The following SYT2 variants were observed in gnomAD, a reference collection of about 807,000 sequenced individuals.
The protein encoded by SYT2 is synaptotagmin-2.
In SYT2, 15 loss-of-function variants were observed where a neutral mutation model predicts 39.9. That is an observed-to-expected ratio of 0.38 (90% confidence interval 0.25 to 0.58). SYT2 has a LOEUF of 0.58. Ranked by LOEUF, SYT2 falls within the 20% of genes least tolerant of loss-of-function variation. The pLI, the probability that SYT2 is intolerant of heterozygous loss-of-function variation, is 0.70. For synonymous variants in SYT2, 181 were observed against 204.5 expected (o/e 0.89, Z 0.98); for missense variants, 389 against 530.3 (o/e 0.73, Z 2.62).
In SYT2 at chr1:202,604,626, C is replaced by A; in HGVS notation, c.179-5G>T. 1 of 1,613,306 alleles carries A rather than the reference C, an allele frequency of 6.2e-7. No homozygotes were observed. The highest frequency in any genetic ancestry group is 8.5e-7 in the Non-Finnish European group (1 of 1,179,560). On this transcript the variant is annotated splice_region_variant and splice_polypyrimidine_tract_variant and intron_variant, in intron 2 of 8. Coordinates refer to ENST00000367268, the MANE Select transcript of SYT2 (RefSeq NM_177402.5). ...CGATCAGTGCCCAGGGTGGTACTGC[C>A]CACACAGAGAAGATCCCAGGGTCAG...
At chr1:202,708,355 GCTATAAC>G (rs1427591427) in intron 1 of SYT2, among the ~76,000 whole-genome samples, 1 of 152,024 alleles carries the variant, frequency 6.6e-6, no homozygotes, top group African/African-American at 2.4e-5. Context: ...TCTATGTGAG[GCTATAAC>G]CTAGAAACTT....
chr1:202,606,774 G>A (rs557594630), intron 1 of SYT2, among the ~76,000 whole-genome samples: 1 of 152,154 alleles, frequency 6.6e-6, no homozygotes, highest in East Asian at 1.9e-4. Context: ...AAAATTTGGG[G>A]AGAGAGAGAG....
intron 1 of SYT2, among the ~76,000 whole-genome samples, chr1:202,624,971 T>TGTGTGGTGTGTGTA (rs1429116327): frequency 9.0e-6 from 1 of 111,670 alleles, no homozygotes; most frequent in Non-Finnish European, 1.8e-5. Context: ...GTGTGTGGCA[T>TGTGTGGTGTGTGTA]GTGTGGTGTG....
In SYT2 at chr1:202,648,633, G is replaced by A. The variant is rs185472341; in HGVS notation, c.-17-42844C>T. ...GAGATGCATACCTCAAACCCAAGGC[G>A]TCTGCTGGCATCCATCTTCTGGAGT... is the stretch of plus-strand genomic sequence containing the variant. On this transcript the variant is annotated intron_variant, in intron 1 of 8. Transcript: ENST00000367268. 1.6e-3 allele frequency among the ~76,000 whole-genome samples: 245 copies of A among 152,282 alleles called. 4 individuals are homozygous for A. Among genetic ancestry groups the A allele is most frequent in the Non-Finnish European group, 2.2e-4 (15 of 68,024 alleles).
chr1:202,597,064 A>T, intron 8 of SYT2, 101 bp from the exon 9 acceptor site: 1 of 1,021,810 alleles, frequency 9.8e-7, no homozygotes, highest in Admixed American at 2.2e-5. Flanking sequence ...TGGGAAGGTA[A>T]GGCCTCCTGG....
At chr1:202,631,495 C>T (rs1691591730) in intron 1 of SYT2, among the ~76,000 whole-genome samples, 1 of 152,140 alleles carries the variant, frequency 6.6e-6, no homozygotes, top group African/African-American at 2.4e-5. Flanking sequence ...GGCCCCTCCC[C>T]CAAGCAAAGT....
chr1:202,621,644 T>C (rs1474830447), intron 1 of SYT2, among the ~76,000 whole-genome samples: 2 of 152,184 alleles, frequency 1.3e-5, no homozygotes, highest in Non-Finnish European at 2.9e-5. Flanking sequence ...TGGGTTTGTG[T>C]AGCTCACCCA....
chr1:202,642,908 G>A (rs1255512055), intron 1 of SYT2, among the ~76,000 whole-genome samples: 1 of 152,230 alleles, frequency 6.6e-6, no homozygotes, highest in East Asian at 1.9e-4. Flanking sequence ...GCAGGTCCCT[G>A]GTCCCAGCGC....
At chr1:202,615,826 A>G (rs1056447615) in intron 1 of SYT2, among the ~76,000 whole-genome samples, 2 of 152,086 alleles carry the variant, frequency 1.3e-5, no homozygotes, top group South Asian at 2.1e-4. Flanking sequence ...TCCCTGGGCC[A>G]CCATCAGCCC....
At chr1:202,656,497 A>C (rs1692278897) in intron 1 of SYT2, among the ~76,000 whole-genome samples, 1 of 152,190 alleles carries the variant, frequency 6.6e-6, no homozygotes, top group Non-Finnish European at 1.5e-5. Flanking sequence ...ACCTGGGTTC[A>C]AGTCCCAACT....
intron 4 of SYT2, 65 bp downstream of exon 4, chr1:202,602,934 C>G (rs1422415994): frequency 1.3e-5 from 20 of 1,580,844 alleles, no homozygotes; most frequent in South Asian, 3.4e-5. Flanking sequence ...GTTTCTATCC[C>G]CCTTCCACCC....
chr1:202,629,122 T>C (rs1691498331), intron 1 of SYT2, among the ~76,000 whole-genome samples: 1 of 152,226 alleles, frequency 6.6e-6, no homozygotes, highest in South Asian at 2.1e-4. Context: ...AACTCCCTAT[T>C]AAGGACCAGG....
In SYT2 at chr1:202,595,442, A is replaced by G. The variant is rs1288356870; in HGVS notation, c.*1315T>C. On this transcript the variant is annotated 3_prime_UTR_variant, in exon 9 of 9. Coordinates refer to ENST00000367268, the MANE Select transcript of SYT2 (RefSeq NM_177402.5). ...CCCTGGGCCACTCCAGCTACCTATC[A>G]GCTCTCCAGCATGGAGGGCAGAGGG... The G allele has an allele frequency of 6.6e-6, 1 of 152,212 alleles. No individual in the cohort carries two copies. Among genetic ancestry groups the G allele is most frequent in the East Asian group, 1.9e-4 (1 of 5,194 alleles). 9.4% of individuals were successfully genotyped at this position (152,212 alleles called of 1,614,324 possible). A position where few individuals can be genotyped will look rare whatever the true frequency, so the allele number is the denominator to read the frequency against.
At position 202,593,159 on chromosome 1, in the gene SYT2, C is replaced by T. The variant is rs1318181251; in HGVS notation, c.*3598G>A. ...ATGAGGGCAGTTCCTGGCTCAATCT[C>T]TTTCTACCTTTGAGTGGGAGGGGAC... On this transcript the variant is annotated 3_prime_UTR_variant, in exon 9 of 9. Coordinates refer to ENST00000367268, the MANE Select transcript of SYT2 (RefSeq NM_177402.5). The T allele has an allele frequency of 6.6e-6, 1 of 152,236 alleles. No homozygotes were observed. The highest frequency in any genetic ancestry group is 1.9e-4 in the East Asian group (1 of 5,180). 9.4% of individuals were successfully genotyped at this position (152,236 alleles called of 1,614,324 possible).
intron 1 of SYT2, among the ~76,000 whole-genome samples, chr1:202,643,918 T>G (rs1692010948): frequency 6.6e-6 from 1 of 152,034 alleles, no homozygotes; most frequent in South Asian, 2.1e-4. Context: ...TTCGGGGGAT[T>G]AGCTGGGGGA....
At chr1:202,682,669 G>T (rs1378385886) in intron 1 of SYT2, among the ~76,000 whole-genome samples, 2 of 152,142 alleles carry the variant, frequency 1.3e-5, no homozygotes, top group Non-Finnish European at 2.9e-5. Flanking sequence ...CTGAGGCACG[G>T]GCTCTCTGAG....
intron 1 of SYT2, among the ~76,000 whole-genome samples, chr1:202,703,446 C>A (rs955275401): frequency 6.6e-6 from 1 of 152,094 alleles, no homozygotes; most frequent in Admixed American, 6.5e-5. Flanking sequence ...GTACAAGGTA[C>A]CCTCTCCTGT....
Position 202,590,732 on chromosome 1 carries a change from CG to C in SYT2, c.*6024del. ...CAAGCAGAAGTGGGAATGAGAGGGCCGGGGGCAAGGGCTGTACATGTGTCCT... is the reference window on the plus strand; with the variant it reads ...CAAGCAGAAGTGGGAATGAGAGGGCCGGGGCAAGGGCTGTACATGTGTCCT... On this transcript the variant is annotated 3_prime_UTR_variant, in exon 9 of 9. Transcript: ENST00000367268. 1 of 151,786 alleles carries C rather than the reference CG, an allele frequency of 6.6e-6. No individual in the cohort carries two copies. Among genetic ancestry groups the C allele is most frequent in the Non-Finnish European group, 1.5e-5 (1 of 68,022 alleles). 9.4% of individuals were successfully genotyped at this position (151,786 alleles called of 1,614,324 possible).
At chr1:202,649,733 A>G (rs968343958) in intron 1 of SYT2, among the ~76,000 whole-genome samples, 1 of 152,188 alleles carries the variant, frequency 6.6e-6, no homozygotes, top group African/African-American at 2.4e-5. Flanking sequence ...TCATCCCTGT[A>G]ACTACTTTAT....
Sources: gnomAD v4.1 joint callset for allele counts (sites outside exome capture counted in the v4.1 genomes callset) on GRCh38, gnomAD v4.1.1 for gene constraint, MANE v1.5 for transcripts, NCBI Gene and HGNC (gene_info 2026-07-23, HGNC 2026-07-21) for gene names.